NEBL: variants seen among roughly 807,000 people sequenced by gnomAD.
NEBL encodes LIM and SH3 protein 2.
A neutral mutation model predicts 140.2 loss-of-function variants in NEBL; 122 were observed. That is an observed-to-expected ratio of 0.87 (90% CI 0.75 to 1.01). NEBL has a LOEUF of 1.01. Ranked by LOEUF, NEBL falls within the 50% of genes least tolerant of loss-of-function variation. The probability of loss-of-function intolerance (pLI) is 0.00; values close to 1 mark genes in which losing one functional copy is unlikely to be tolerated. For synonymous variants in NEBL, 436 were observed against 398.9 expected, an observed-to-expected ratio of 1.09 and a Z score of -1.11; for missense variants, 1,365 against 1,231.3, an observed-to-expected ratio of 1.11 and a Z score of -1.62.
intron 2 of NEBL, among the ~76,000 whole-genome samples, chr10:21,121,987 G>A (rs1020371945): frequency 1.3e-5 from 2 of 149,378 alleles, no homozygotes; most frequent in African/African-American, 2.5e-5. Flanking sequence ...GCCAAGGAAT[G>A]TGGGGATTTC....
In NEBL at chr10:20,934,063, A is replaced by C. The variant is rs376511347; in HGVS notation, c.357+27609T>G. ...TTTAAAAAAAAAGGCCCCATTTTAC[A>C]CTTCAACTTTTTGTGCCTGATTTAT... On this transcript the variant is annotated intron_variant, in intron 4 of 6. Transcript: ENST00000417816. 5.3e-5 allele frequency among the ~76,000 whole-genome samples: 8 copies of C among 152,182 alleles called. No individual in the cohort carries two copies. The East Asian group carries it at 1.5e-3, about 29-fold the overall frequency.
intron 4 of NEBL, among the ~76,000 whole-genome samples, chr10:20,905,694 G>T (rs148960508): frequency 6.6e-6 from 1 of 152,192 alleles, no homozygotes; most frequent in Non-Finnish European, 1.5e-5. Flanking sequence ...TGATGATAAG[G>T]CATCCAAAGA....
rs3990287 is a variant in NEBL at position 20,814,617 on chromosome 10, T to TACACAC, written c.2242-580_2242-575dup. On this transcript the variant is annotated intron_variant, in intron 22 of 27. Coordinates refer to ENST00000377122, the MANE Select transcript of NEBL (RefSeq NM_006393.3). ...TGTCTCAAACACACACATACACACATACACACACACACACACACACACAAC... is the reference window on the plus strand; with the variant it reads ...TGTCTCAAACACACACATACACACATACACACACACACACACACACACACACACAAC... Among the ~76,000 whole-genome samples the TACACAC allele has an allele frequency of 3.4e-3, 493 of 146,514 alleles. 3 individuals carry two copies. Among genetic ancestry groups the TACACAC allele is most frequent in the African/African-American group, 0.01 (411 of 39,252 alleles).
At chr10:20,895,415 C>G (rs1158697857) in intron 2 of NEBL, among the ~76,000 whole-genome samples, 1 of 152,182 alleles carries the variant, frequency 6.6e-6, no homozygotes, top group Non-Finnish European at 1.5e-5. Flanking sequence ...CTGTGTTCAA[C>G]TATTACTGCC....
At chr10:21,088,019 G>A (rs923435018) in intron 2 of NEBL, among the ~76,000 whole-genome samples, 4 of 152,150 alleles carry the variant, frequency 2.6e-5, no homozygotes, top group Non-Finnish European at 4.4e-5. Flanking sequence ...TGATTATGCT[G>A]TACAAACAAC....
At chr10:21,232,165 C>T (rs1038864793) in intron 3 of NEBL, among the ~76,000 whole-genome samples, 2 of 151,338 alleles carry the variant, frequency 1.3e-5, no homozygotes, top group Admixed American at 1.3e-4. Context: ...TTTTCTCTTG[C>T]CAGCAGGAGG....
At chr10:21,278,436 C>T (rs930694341) in intron 1 of NEBL, among the ~76,000 whole-genome samples, 1 of 152,146 alleles carries the variant, frequency 6.6e-6, no homozygotes, top group East Asian at 1.9e-4. Flanking sequence ...AGAGTAAAAC[C>T]CTCACTCTAA....
intron 2 of NEBL, among the ~76,000 whole-genome samples, chr10:21,047,530 C>A (rs891345538): frequency 6.6e-6 from 1 of 150,424 alleles, no homozygotes; most frequent in South Asian, 2.1e-4. Context: ...CCAAATGAAG[C>A]TTTTTTTAAA....
intron 4 of NEBL, among the ~76,000 whole-genome samples, chr10:20,946,382 A>T (rs541686487): frequency 1.3e-5 from 2 of 152,246 alleles, no homozygotes; most frequent in African/African-American, 4.8e-5. Context: ...ACACACAAAG[A>T]CCTTCAGAGG....
In NEBL at chr10:20,978,485, A is replaced by G. The variant is rs555944681; in HGVS notation, c.250-16706T>C. 3.9e-5 allele frequency among the ~76,000 whole-genome samples: 6 copies of G among 152,264 alleles called. No individual in the cohort carries two copies. The East Asian group carries it at 9.7e-4, about 25-fold the overall frequency. ...CAAAAATTTAGAAAGGGCTGGGTGCAGTGGCTCACATCTGTAATTTCAGTG... is the reference window on the plus strand; with the variant it reads ...CAAAAATTTAGAAAGGGCTGGGTGCGGTGGCTCACATCTGTAATTTCAGTG... On this transcript the variant is annotated intron_variant, in intron 3 of 6. Transcript: ENST00000417816.
intron 2 of NEBL, among the ~76,000 whole-genome samples, chr10:21,145,368 TG>T (rs1291627547): frequency 2.4e-4 from 36 of 152,222 alleles, no homozygotes; most frequent in African/African-American, 8.2e-4. Flanking sequence ...GTCCATTAAT[TG>T]GGGAATGGTT....
At chr10:20,917,262 C>A (rs1429845220) in intron 4 of NEBL, among the ~76,000 whole-genome samples, 2 of 152,212 alleles carry the variant, frequency 1.3e-5, no homozygotes, top group African/African-American at 2.4e-5. Flanking sequence ...AGGCAAAACA[C>A]TGTCCTCTAA....
chr10:21,196,614 G>C (rs1371811028), intron 3 of NEBL, among the ~76,000 whole-genome samples: 4 of 152,052 alleles, frequency 2.6e-5, no homozygotes, highest in Non-Finnish European at 5.9e-5. Flanking sequence ...CAAAGTGCTG[G>C]GATTACAGGC....
At chr10:21,110,687 A>G in intron 2 of NEBL, 3 of 476,790 alleles carry the variant, frequency 6.3e-6, no homozygotes, top group South Asian at 1.6e-5. Flanking sequence ...ACCCCATGGA[A>G]GGCTCAGTGG....
intron 2 of NEBL, among the ~76,000 whole-genome samples, chr10:21,111,090 A>G (rs1837988935): frequency 6.6e-6 from 1 of 152,194 alleles, no homozygotes; most frequent in Non-Finnish European, 1.5e-5. Context: ...AACAAAATAA[A>G]AGAGGACACA....
At chr10:21,083,905 C>T (rs1404373372) in intron 2 of NEBL, among the ~76,000 whole-genome samples, 1 of 152,220 alleles carries the variant, frequency 6.6e-6, no homozygotes, top group East Asian at 1.9e-4. Context: ...GGAACAGATA[C>T]TCTGGCATCC....
chr10:20,944,899 A>T (rs532782500), intron 4 of NEBL, among the ~76,000 whole-genome samples: 1 of 152,328 alleles, frequency 6.6e-6, no homozygotes, highest in East Asian at 1.9e-4. Flanking sequence ...AGTCAGACAT[A>T]AGAGGCCACA....
chr10:20,937,965 C>T (rs1170408897), intron 4 of NEBL, among the ~76,000 whole-genome samples: 1 of 152,196 alleles, frequency 6.6e-6, no homozygotes, highest in African/African-American at 2.4e-5. Context: ...GTGGAGCCCA[C>T]CTCAGCTCAA....
At chr10:21,174,144 T>G in exon 1 of NEBL, 1 of 554,696 alleles carries the variant, frequency 1.8e-6, no homozygotes, top group Non-Finnish European at 2.3e-6. Flanking sequence ...CGCCCGCCCC[T>G]CGCGCTCACT....
Sources: allele counts gnomAD v4.1 joint callset (sites outside exome capture counted in the v4.1 genomes callset), GRCh38; gene constraint gnomAD v4.1.1; transcripts MANE v1.5; gene names NCBI Gene and HGNC (gene_info 2026-07-23, HGNC 2026-07-21).